Variants in GNA14 observed in about 807,000 individuals in gnomAD.
The protein encoded by GNA14 is G protein subunit alpha 14.
Under a neutral mutation model 42.0 loss-of-function variants are expected in GNA14, and 50 were observed. The ratio of observed to expected loss-of-function variants is 1.19; its 90% CI spans 0.95 to 1.51. The LOEUF (loss-of-function observed/expected upper bound fraction) is 1.51, where lower values mean the gene tolerates loss of function less well. Ranked by LOEUF, GNA14 falls within the 40% of genes most tolerant of loss-of-function variation. The pLI is 0.00. For missense variants in GNA14, 473 were observed against 446.2 expected, an observed-to-expected ratio of 1.06 and a Z score of -0.54; for synonymous variants, 173 against 163.1, an observed-to-expected ratio of 1.06 and a Z score of -0.46.
intron 1 of GNA14, among the ~76,000 whole-genome samples, chr9:77,597,464 C>T (rs555337115): frequency 6.6e-6 from 1 of 152,038 alleles, no homozygotes; most frequent in African/African-American, 2.4e-5. Flanking sequence ...AACCAGACAC[C>T]ATGCTCAATC....
intron 2 of GNA14, among the ~76,000 whole-genome samples, chr9:77,451,870 C>T (rs760533923): frequency 2.0e-5 from 3 of 152,196 alleles, no homozygotes; most frequent in Non-Finnish European, 4.4e-5. Flanking sequence ...AACCAAGTCT[C>T]CTATTTCCTG....
intron 2 of GNA14, among the ~76,000 whole-genome samples, chr9:77,465,573 TCTAAAGCA>T (rs1313163113): frequency 1.3e-5 from 2 of 149,068 alleles, no homozygotes; most frequent in African/African-American, 5.0e-5. Context: ...GACAAACTAT[TCTAAAGCA>T]GTTGCCCCAT....
At chr9:77,562,582 A>G (rs1022117368) in intron 1 of GNA14, among the ~76,000 whole-genome samples, 1 of 152,196 alleles carries the variant, frequency 6.6e-6, no homozygotes, top group East Asian at 1.9e-4. Flanking sequence ...ATGATTGAAA[A>G]TGGGTCTATT....
chr9:77,577,879 G>T (rs913709741), intron 1 of GNA14, among the ~76,000 whole-genome samples: 1 of 152,042 alleles, frequency 6.6e-6, no homozygotes, highest in Non-Finnish European at 1.5e-5. Flanking sequence ...CCATTTAAGA[G>T]TTAGTATTAC....
At chr9:77,467,000 G>GGTGTGT (rs59321037) in intron 2 of GNA14, among the ~76,000 whole-genome samples, 9,823 of 143,528 alleles carry the variant, frequency 0.068, 427 homozygotes, top group East Asian at 0.13. Flanking sequence ...TTTACCACTC[G>GGTGTGT]GTGTGTGTGT....
chr9:77,488,802 A>C (rs960204648), intron 2 of GNA14, among the ~76,000 whole-genome samples: 2 of 151,000 alleles, frequency 1.3e-5, no homozygotes, highest in African/African-American at 2.4e-5. Flanking sequence ...AAAAAAAAAA[A>C]AAAAAAACAG....
chr9:77,426,315 T>TC (rs1835453025), intron 5 of GNA14, among the ~76,000 whole-genome samples: 1 of 151,672 alleles, frequency 6.6e-6, no homozygotes, highest in Admixed American at 6.6e-5. Context: ...TTTTTTTTTT[T>TC]CCTTTCTGAG....
chr9:77,453,403 C>T (rs946861383), intron 2 of GNA14, among the ~76,000 whole-genome samples: 2 of 152,202 alleles, frequency 1.3e-5, no homozygotes, highest in African/African-American at 4.8e-5. Flanking sequence ...AGTCTCTTTT[C>T]TTCATTAATG....
chr9:77,572,566 G>C (rs776685997), intron 1 of GNA14, among the ~76,000 whole-genome samples: 1 of 152,176 alleles, frequency 6.6e-6, no homozygotes, highest in Non-Finnish European at 1.5e-5. Context: ...CTGTGATCCA[G>C]TTTTTAAAAA....
At chr9:77,478,168 C>A in intron 2 of GNA14, among the ~76,000 whole-genome samples, 1 of 146,814 alleles carries the variant, frequency 6.8e-6, no homozygotes, top group African/African-American at 2.5e-5. Flanking sequence ...CTAATGCTAT[C>A]CCTCCCTCCT....
chr9:77,435,050 T>TA (rs3052358), intron 2 of GNA14, among the ~76,000 whole-genome samples: 8,627 of 119,178 alleles, frequency 0.072, 321 homozygotes, highest in African/African-American at 0.083. Context: ...TTCTTTCATT[T>TA]AAAAAAAAAA....
intron 2 of GNA14, among the ~76,000 whole-genome samples, chr9:77,487,169 T>G (rs1403999493): frequency 3.3e-5 from 5 of 152,120 alleles, no homozygotes; most frequent in Non-Finnish European, 5.9e-5. Context: ...ATACACTGGA[T>G]GAAGGGATGA....
intron 1 of GNA14, among the ~76,000 whole-genome samples, chr9:77,600,864 C>T (rs1249824607): frequency 6.6e-6 from 1 of 152,114 alleles, no homozygotes; most frequent in South Asian, 2.1e-4. Flanking sequence ...GGTTGCAGTG[C>T]GCCAAGATCG....
At chr9:77,474,600 C>T (rs988065270) in intron 2 of GNA14, among the ~76,000 whole-genome samples, 4 of 152,102 alleles carry the variant, frequency 2.6e-5, no homozygotes, top group African/African-American at 9.7e-5. Flanking sequence ...ATTTCCTCAC[C>T]TAGTTAAGCA....
At chr9:77,521,899 C>A (rs906413329) in intron 2 of GNA14, among the ~76,000 whole-genome samples, 3 of 152,264 alleles carry the variant, frequency 2.0e-5, no homozygotes, top group Non-Finnish European at 4.4e-5. Flanking sequence ...ATGGCGCGAT[C>A]TTGGCTCACT....
intron 2 of GNA14, among the ~76,000 whole-genome samples, chr9:77,522,129 C>G (rs10869933): frequency 0.55 from 83,694 of 152,126 alleles, 23,613 homozygotes; most frequent in Admixed American, 0.65. Flanking sequence ...GGCCCATATG[C>G]TATTTTTATT....
intron 2 of GNA14, among the ~76,000 whole-genome samples, chr9:77,493,977 G>A (rs1407647189): frequency 1.3e-5 from 2 of 152,204 alleles, no homozygotes; most frequent in African/African-American, 4.8e-5. Flanking sequence ...CTGAAGTGCA[G>A]TGGCACAATC....
At chr9:77,645,169 G>GTCA (rs1183254887) in intron 1 of GNA14, among the ~76,000 whole-genome samples, 5 of 152,188 alleles carry the variant, frequency 3.3e-5, no homozygotes, top group African/African-American at 1.2e-4. Context: ...GAAAGAGATG[G>GTCA]TGTCTTTGGG....
At chr9:77,551,499 GCAGA>G (rs1837785616) in intron 1 of GNA14, among the ~76,000 whole-genome samples, 1 of 142,118 alleles carries the variant, frequency 7.0e-6, no homozygotes, top group Non-Finnish European at 1.6e-5. Flanking sequence ...ATATACATGC[GCAGA>G]CACTCACCCA....
Sources: gnomAD v4.1 joint callset for allele counts (sites outside exome capture counted in the v4.1 genomes callset) on GRCh38, gnomAD v4.1.1 for gene constraint, MANE v1.5 for transcripts, NCBI Gene and HGNC (gene_info 2026-07-23, HGNC 2026-07-21) for gene names.